The following SEPTIN9 variants were observed in gnomAD, a reference collection of about 807,000 sequenced individuals.
SEPTIN9 encodes the protein septin 9.
SEPTIN9 carries 13 observed loss-of-function variants against 56.6 expected under a neutral mutation model. The ratio of observed to expected loss-of-function variants is 0.23; its 90% CI spans 0.15 to 0.37. The LOEUF (loss-of-function observed/expected upper bound fraction) is 0.37, where lower values mean the gene tolerates loss of function less well. Among genes scored for constraint, SEPTIN9 ranks in the 10% least tolerant of loss-of-function variants. SEPTIN9 has a pLI of 1.00. For synonymous variants in SEPTIN9, 332 were observed against 334.1 expected (o/e 0.99, Z 0.07); for missense variants, 650 against 823.1 (o/e 0.79, Z 2.57).
rs762463698 is a variant in SEPTIN9, at chr17:77,475,801, C to T, written c.722-6343C>T. On this transcript the variant is annotated intron_variant, in intron 3 of 11. Transcript: ENST00000427177. The surrounding 1 kb of genome is among the most constrained non-coding windows in gnomAD (Gnocchi z 4.6). ...GCTGACAGGGTGTGGTGAGTGCCACCGGCTCCCCTGCCGTGGCCTGGTCAG... is the reference window on the plus strand; with the variant it reads ...GCTGACAGGGTGTGGTGAGTGCCACTGGCTCCCCTGCCGTGGCCTGGTCAG... 5.0e-6 allele frequency: 8 copies of T among 1,613,252 alleles called. No homozygotes were observed. The highest frequency in any genetic ancestry group is 1.3e-5 in the African/African-American group (1 of 74,932).
At chr17:77,289,719 T>C (rs1393158049) in intron 1 of SEPTIN9, among the ~76,000 whole-genome samples, 1 of 152,224 alleles carries the variant, frequency 6.6e-6, no homozygotes, top group African/African-American at 2.4e-5. Flanking sequence ...ATGCTTTTTA[T>C]TATTATTATT....
Position 77,405,002 on chromosome 17 carries a change from C to A in SEPTIN9, c.721+2299C>A, listed in dbSNP as rs538771599. 1.5e-6 allele frequency: 2 copies of A among 1,338,220 alleles called. No individual in the cohort carries two copies. The highest frequency in any genetic ancestry group is 2.5e-5 in the East Asian group (1 of 39,302). 82.9% of individuals were successfully genotyped at this position (1,338,220 alleles called of 1,614,324 possible). A position where few individuals can be genotyped will look rare whatever the true frequency, so the allele number is the denominator to read the frequency against. ...CTTTGTTTGACGTGCCGGATACACC[C>A]CCATCCTGGGTTGATGTGTTCACAC... On this transcript the variant is annotated intron_variant, in intron 3 of 11. Transcript: ENST00000427177. This position sits in a 1 kb window ranked among gnomAD's most constrained non-coding sequence, Gnocchi z 5.8.
intron 2 of SEPTIN9, among the ~76,000 whole-genome samples, chr17:77,397,418 G>A (rs1315001383): frequency 6.6e-6 from 1 of 152,136 alleles, no homozygotes; most frequent in Non-Finnish European, 1.5e-5. Flanking sequence ...ATCCAGGATA[G>A]TCTCATCCCG....
chr17:77,431,276 C>T (rs931652826), intron 3 of SEPTIN9, among the ~76,000 whole-genome samples: 1 of 152,102 alleles, frequency 6.6e-6, no homozygotes, highest in Admixed American at 6.5e-5. Context: ...CCACTGTACT[C>T]CAGCTCCTGG....
chr17:77,324,125 G>A (rs2033045178), intron 2 of SEPTIN9, among the ~76,000 whole-genome samples: 1 of 152,192 alleles, frequency 6.6e-6, no homozygotes, highest in Non-Finnish European at 1.5e-5. Flanking sequence ...CGTTGTCACG[G>A]GGCCTCCTTC....
intron 3 of SEPTIN9, among the ~76,000 whole-genome samples, chr17:77,422,332 C>T (rs1307130938): frequency 6.6e-6 from 1 of 152,232 alleles, no homozygotes; most frequent in African/African-American, 2.4e-5. Context: ...AATGCTTGCT[C>T]ACCCAGCCTC....
rs1317481105 is a variant in SEPTIN9 at position 77,476,194 on chromosome 17, G to A, written c.722-5950G>A. Among the ~76,000 whole-genome samples, 4 of 152,158 alleles carry A rather than the reference G, an allele frequency of 2.6e-5. No individual in the cohort carries two copies. Among genetic ancestry groups the A allele is most frequent in the South Asian group, 2.1e-4 (1 of 4,830 alleles). On this transcript the variant is annotated intron_variant, in intron 3 of 11. Transcript: ENST00000427177. This position sits in a 1 kb window ranked among gnomAD's most constrained non-coding sequence, Gnocchi z 6.0. ...CAGGGAGGGGTAGGCAGAGAAGGGC[G>A]GCCCCTGGGTCTTGGTTTCCAAGTC...
chr17:77,458,517 C>T (rs1290457845), intron 3 of SEPTIN9, among the ~76,000 whole-genome samples: 1 of 152,244 alleles, frequency 6.6e-6, no homozygotes, highest in Non-Finnish European at 1.5e-5. Context: ...TCAGACCTGC[C>T]ATTCCTCCTC....
At chr17:77,427,223 G>A (rs761418055) in intron 3 of SEPTIN9, 1 of 152,276 alleles carries the variant, frequency 6.6e-6, no homozygotes, top group Non-Finnish European at 1.5e-5. Context: ...GTGAGCCACT[G>A]GGGCTGGATC....
At chr17:77,293,328 A>C (rs115237046) in intron 1 of SEPTIN9, among the ~76,000 whole-genome samples, 214 of 151,984 alleles carry the variant, frequency 1.4e-3, no homozygotes, top group African/African-American at 5.2e-3. Context: ...TAATTTTTGT[A>C]TTTTTTGTGT....
rs2036860628 is a variant in SEPTIN9 at position 77,425,263 on chromosome 17, C to G, written c.721+22560C>G. 6.6e-6 allele frequency among the ~76,000 whole-genome samples: 1 copy of G among 152,196 alleles called. No homozygotes were observed. Among genetic ancestry groups the G allele is most frequent in the African/African-American group, 2.4e-5 (1 of 41,448 alleles). On this transcript the variant is annotated intron_variant, in intron 3 of 11. Transcript: ENST00000427177. The surrounding 1 kb of genome is among the most constrained non-coding windows in gnomAD (Gnocchi z 4.2). ...GGCCTCCCAGGAAAACCCAGCTGCACAGGAAGCCGGGCCAGCGGCCTCCGG... is the reference window on the plus strand; with the variant it reads ...GGCCTCCCAGGAAAACCCAGCTGCAGAGGAAGCCGGGCCAGCGGCCTCCGG...
In SEPTIN9 at chr17:77,346,278, C is replaced by CTTTTTTTTTTTTTTTTTTTTTTT. The variant is rs577131369; in HGVS notation, c.76+39088_76+39110dup. On this transcript the variant is annotated intron_variant, in intron 2 of 11. Transcript: ENST00000427177. ...AGATTCTTAAAGCAGATCCTTAGGT[C>CTTTTTTTTTTTTTTTTTTTTTTT]TTTTTTTTTTTTTTTTTTTTTTTTT... Among the ~76,000 whole-genome samples the CTTTTTTTTTTTTTTTTTTTTTTT allele has an allele frequency of 7.8e-4, 36 of 46,316 alleles. 4 individuals are homozygous for CTTTTTTTTTTTTTTTTTTTTTTT. Among genetic ancestry groups the CTTTTTTTTTTTTTTTTTTTTTTT allele is most frequent in the Non-Finnish European group, 1.2e-3 (31 of 25,280 alleles). 30.4% of individuals were successfully genotyped at this position (46,316 alleles called of 152,430 possible). A position where few individuals can be genotyped will look rare whatever the true frequency, so the allele number is the denominator to read the frequency against.
rs1264418807 is a variant in SEPTIN9 at position 77,488,795 on chromosome 17, A to C, written c.1193A>C (p.Asn398Thr). The change falls in exon 7 of 12, where the codon AAC (asparagine) becomes ACC (threonine). Residue 398 changes from asparagine to threonine, a missense_variant. Physicochemically the swap from Asn to Thr is moderately conservative, Grantham distance 65 (BLOSUM62 0). Coordinates refer to ENST00000427177, the MANE Select transcript of SEPTIN9 (RefSeq NM_001113491.2). Reference sequence around the variant, plus strand: ...TACCTGCAGGAGGAGGTCAACATCAACCGCAAGAAGCGCATCCCGGACACC... The same window carrying C: ...TACCTGCAGGAGGAGGTCAACATCACCCGCAAGAAGCGCATCCCGGACACC... ...EKYLQEEVNI[N>T]RKKRIPDTRV... The C allele has an allele frequency of 6.2e-7, 1 of 1,613,890 alleles. No homozygotes were observed. The highest frequency in any genetic ancestry group is 1.7e-5 in the Admixed American group (1 of 60,016).
Position 77,371,529 on chromosome 17 carries a change from G to A in SEPTIN9, c.77-30530G>A, listed in dbSNP as rs1325215660. ...TAGGATGGCTGTTGTGCCGGACCCG[G>A]CATCTTCCCAGGGGGGCTGTGTTGT... is the stretch of plus-strand genomic sequence containing the variant. On this transcript the variant is annotated intron_variant, in intron 2 of 11. Coordinates refer to ENST00000427177, the MANE Select transcript of SEPTIN9 (RefSeq NM_001113491.2). This position sits in a 1 kb window ranked among gnomAD's most constrained non-coding sequence, Gnocchi z 4.1. Among the ~76,000 whole-genome samples the A allele has an allele frequency of 6.6e-6, 1 of 152,210 alleles. No homozygotes were observed. Among genetic ancestry groups the A allele is most frequent in the Non-Finnish European group, 1.5e-5 (1 of 68,038 alleles).
At chr17:77,376,560 C>T (rs990378728) in intron 2 of SEPTIN9, 6 of 215,882 alleles carry the variant, frequency 2.8e-5, no homozygotes, top group East Asian at 1.8e-4. Context: ...CTCTGAGCCA[C>T]GGCATCTCTG....
chr17:77,359,697 G>A (rs1247941904), intron 2 of SEPTIN9, among the ~76,000 whole-genome samples: 1 of 152,170 alleles, frequency 6.6e-6, no homozygotes. Flanking sequence ...TCGAGAGGCT[G>A]AGATGGGAGG....
At chr17:77,368,596 G>A (rs1467244529) in intron 2 of SEPTIN9, among the ~76,000 whole-genome samples, 1 of 152,172 alleles carries the variant, frequency 6.6e-6, no homozygotes, top group African/African-American at 2.4e-5. Context: ...ACAGGCGTGA[G>A]CCATGGTGGC....
intron 1 of SEPTIN9, among the ~76,000 whole-genome samples, chr17:77,284,089 C>G (rs2031158815): frequency 8.8e-6 from 1 of 113,228 alleles, no homozygotes; most frequent in Non-Finnish European, 1.8e-5. Context: ...GCTTGAAGTC[C>G]CAGCTACTCA....
chr17:77,458,619 A>T (rs2038322765), intron 3 of SEPTIN9, among the ~76,000 whole-genome samples: 1 of 152,188 alleles, frequency 6.6e-6, no homozygotes, highest in Non-Finnish European at 1.5e-5. Context: ...GAAACTGAAG[A>T]GGCTCAGCAC....
Sources: allele counts gnomAD v4.1 joint callset (sites outside exome capture counted in the v4.1 genomes callset), GRCh38; gene constraint gnomAD v4.1.1; non-coding constraint Gnocchi (gnomAD v3.1); transcripts MANE v1.5; gene names NCBI Gene and HGNC (gene_info 2026-07-23, HGNC 2026-07-21).